Variants in PRELID2 observed in about 807,000 individuals in gnomAD.
PRELID2 encodes PRELI domain containing 2, also known as PRELI domain-containing protein 2.
Under a neutral mutation model 28.4 loss-of-function variants are expected in PRELID2, and 25 were observed. The ratio of observed to expected loss-of-function variants is 0.88; its 90% CI spans 0.64 to 1.23. PRELID2 has a LOEUF of 1.23. Among genes scored for constraint, PRELID2 ranks in the 50% most tolerant of loss-of-function variants. The pLI is 0.00. For synonymous variants in PRELID2, 76 were observed against 71.6 expected, an observed-to-expected ratio of 1.06 and a Z score of -0.31; for missense variants, 201 against 214.4, an observed-to-expected ratio of 0.94 and a Z score of 0.39.
chr5:145,649,477 C>T (rs979584782), intron 1 of PRELID2, among the ~76,000 whole-genome samples: 1 of 152,142 alleles, frequency 6.6e-6, no homozygotes, highest in Non-Finnish European at 1.5e-5. Flanking sequence ...TGATGTTTAA[C>T]AGGTGAGATG....
At chr5:145,695,980 T>G (rs1478583591) in intron 1 of PRELID2, among the ~76,000 whole-genome samples, 1 of 152,106 alleles carries the variant, frequency 6.6e-6, no homozygotes, top group Non-Finnish European at 1.5e-5. Flanking sequence ...TTAACTATGT[T>G]AACATATGTG....
the PRELID2 span, among the ~76,000 whole-genome samples, chr5:145,436,657 C>G: frequency 6.6e-6 from 1 of 152,058 alleles, no homozygotes; most frequent in African/African-American, 2.4e-5. Context: ...TTGCATTTAT[C>G]CAGTAATTAG....
the PRELID2 span, among the ~76,000 whole-genome samples, chr5:145,369,472 A>T: frequency 6.6e-6 from 1 of 151,924 alleles, no homozygotes; most frequent in Non-Finnish European, 1.5e-5. Context: ...TATGGCCGTG[A>T]AGTATTCCAT....
the PRELID2 span, among the ~76,000 whole-genome samples, chr5:145,387,095 C>G: frequency 6.6e-6 from 1 of 152,170 alleles, no homozygotes; most frequent in African/African-American, 2.4e-5. Flanking sequence ...ATTTACATAG[C>G]ATTCATTTTG....
chr5:145,355,778 C>T, the PRELID2 span, among the ~76,000 whole-genome samples: 2 of 152,102 alleles, frequency 1.3e-5, no homozygotes, highest in Non-Finnish European at 2.9e-5. Flanking sequence ...ACAGTCTAAC[C>T]TCTTAGAATC....
chr5:145,303,464 TC>T, the PRELID2 span, among the ~76,000 whole-genome samples: 1 of 152,138 alleles, frequency 6.6e-6, no homozygotes. Context: ...ATTTTTAAGC[TC>T]TTATAGAGAA....
At chr5:145,504,076 C>G (rs1484488334) in intron 1 of PRELID2, among the ~76,000 whole-genome samples, 1 of 152,104 alleles carries the variant, frequency 6.6e-6, no homozygotes. Flanking sequence ...AAAATTCAGC[C>G]AGGCTGACCT....
intron 1 of PRELID2, among the ~76,000 whole-genome samples, chr5:145,501,298 C>T (rs1752357965): frequency 6.6e-6 from 1 of 152,156 alleles, no homozygotes; most frequent in African/African-American, 2.4e-5. Context: ...TAGTTCCACT[C>T]TGCTACTTGA....
the PRELID2 span, among the ~76,000 whole-genome samples, chr5:145,389,224 C>A: frequency 1.8e-3 from 271 of 152,208 alleles, 2 homozygotes; most frequent in African/African-American, 6.2e-3. Flanking sequence ...CAGATCTGCA[C>A]TCAAAAATGA....
the PRELID2 span, among the ~76,000 whole-genome samples, chr5:145,273,071 A>T: frequency 1.3e-5 from 2 of 152,116 alleles, no homozygotes; most frequent in Non-Finnish European, 2.9e-5. Flanking sequence ...GAAAATATGG[A>T]CAATATCCTA....
intron 1 of PRELID2, among the ~76,000 whole-genome samples, chr5:145,518,629 TG>T (rs1339880696): frequency 6.6e-6 from 1 of 152,246 alleles, no homozygotes; most frequent in Non-Finnish European, 1.5e-5. Context: ...TTAACATTTA[TG>T]GTTATCAGTC....
chr5:145,815,038 AC>A (rs1403609721), intron 4 of PRELID2, among the ~76,000 whole-genome samples: 5 of 152,216 alleles, frequency 3.3e-5, no homozygotes, highest in African/African-American at 7.2e-5. Flanking sequence ...ACTTTAACCT[AC>A]AATGGGATGG....
chr5:145,337,578 T>C, the PRELID2 span, among the ~76,000 whole-genome samples: 12 of 151,594 alleles, frequency 7.9e-5, no homozygotes, highest in African/African-American at 2.7e-4. Flanking sequence ...GTCCATTTGA[T>C]TTGCCAGAGT....
intron 1 of PRELID2, among the ~76,000 whole-genome samples, chr5:145,590,521 A>G (rs900307213): frequency 3.3e-5 from 5 of 152,304 alleles, no homozygotes; most frequent in Admixed American, 2.0e-4. Context: ...CTCTGAGCCT[A>G]GAACATGCCT....
chr5:145,320,361 C>T, the PRELID2 span, among the ~76,000 whole-genome samples: 44 of 151,918 alleles, frequency 2.9e-4, no homozygotes, highest in Admixed American at 1.4e-3. Context: ...AGCTCCGCCT[C>T]ACCGCTTCAC....
chr5:145,626,282 G>T (rs1753843193), intron 1 of PRELID2, among the ~76,000 whole-genome samples: 1 of 152,060 alleles, frequency 6.6e-6, no homozygotes, highest in Non-Finnish European at 1.5e-5. Flanking sequence ...AATAATGCTT[G>T]TAACAAAGGG....
At chr5:145,456,008 A>C in the PRELID2 span, among the ~76,000 whole-genome samples, 1 of 152,066 alleles carries the variant, frequency 6.6e-6, no homozygotes, top group African/African-American at 2.4e-5. Flanking sequence ...CCACCTCTCC[A>C]ACTGCACTTA....
chr5:145,761,693 A>G (rs1190873375), intron 6 of PRELID2, among the ~76,000 whole-genome samples: 1 of 152,216 alleles, frequency 6.6e-6, no homozygotes, highest in African/African-American at 2.4e-5. Context: ...AGCTTTGAAC[A>G]TAGTTAGAAG....
intron 1 of PRELID2, among the ~76,000 whole-genome samples, chr5:145,535,179 T>A (rs963304408): frequency 1.3e-5 from 2 of 151,968 alleles, no homozygotes; most frequent in African/African-American, 4.8e-5. Flanking sequence ...TTGTTAAAAA[T>A]TACACTTTGC....
Sources: gnomAD v4.1 joint callset for allele counts (sites outside exome capture counted in the v4.1 genomes callset) on GRCh38, gnomAD v4.1.1 for gene constraint, MANE v1.5 for transcripts, NCBI Gene and HGNC (gene_info 2026-07-23, HGNC 2026-07-21) for gene names.